Variants in FES observed in about 807,000 individuals in gnomAD.
The protein encoded by FES is FES proto-oncogene, tyrosine kinase, also known as tyrosine-protein kinase Fes/Fps.
Under a neutral mutation model 109.6 loss-of-function variants are expected in FES, and 83 were observed. The ratio of observed to expected loss-of-function variants is 0.76; its 90% CI spans 0.63 to 0.91. FES has a LOEUF of 0.91. Among genes scored for constraint, FES ranks in the 40% least tolerant of loss-of-function variants. The probability of loss-of-function intolerance (pLI) is 0.00; values close to 1 mark genes in which losing one functional copy is unlikely to be tolerated. For synonymous variants in FES, 458 were observed against 442.1 expected (o/e 1.04, Z -0.45); for missense variants, 943 against 1,070.9 (o/e 0.88, Z 1.67).
intron 4 of FES, 48 bp from the exon 5 acceptor site, chr15:90,887,139 C>T (rs2032722054): frequency 1.2e-6 from 2 of 1,611,656 alleles, no homozygotes; most frequent in Non-Finnish European, 1.7e-6. Flanking sequence ...GTGGGGGCTG[C>T]CTGGGCCTCC....
At chr15:90,895,383 C>T in intron 18 of FES, 33 bp from the exon 19 acceptor site, 3 of 1,482,528 alleles carry the variant, frequency 2.0e-6, no homozygotes, top group Non-Finnish European at 1.8e-6. Context: ...AAACTCCCTC[C>T]TCATGCCTGG....
chr15:90,890,360 C>T, intron 9 of FES, 41 bp from the exon 10 acceptor site: 2 of 1,606,532 alleles, frequency 1.2e-6, no homozygotes, highest in Non-Finnish European at 1.7e-6. Context: ...CCTCCCCCTC[C>T]CTAAGCCTGG....
chr15:90,888,740 A>G (rs1453430623), intron 5 of FES, among the ~76,000 whole-genome samples: 2 of 148,160 alleles, frequency 1.3e-5, no homozygotes, highest in African/African-American at 2.5e-5. Context: ...AGACAAGGAT[A>G]GCAGTTCATT....
In FES at chr15:90,890,865, C is replaced by A. The variant is rs1031438419; in HGVS notation, c.1321-117C>A. ...GGGGCCTGTGGATGGCTCTGCATGCCACTCCATGGTTGTAAGGGCTGAGGG... is the reference window on the plus strand; with the variant it reads ...GGGGCCTGTGGATGGCTCTGCATGCAACTCCATGGTTGTAAGGGCTGAGGG... On this transcript the variant is annotated intron_variant, in intron 10 of 18. Coordinates refer to ENST00000328850, the MANE Select transcript of FES (RefSeq NM_002005.4). 2.4e-5 allele frequency: 25 copies of A among 1,041,266 alleles called. No homozygotes were observed. The African/African-American group carries it at 3.8e-4, about 16-fold the overall frequency. 64.5% of individuals were successfully genotyped at this position (1,041,266 alleles called of 1,614,324 possible).
intron 10 of FES, among the ~76,000 whole-genome samples, chr15:90,890,707 C>T (rs1485055464): frequency 1.2e-5 from 1 of 82,880 alleles, no homozygotes; most frequent in African/African-American, 4.4e-5. Context: ...CCATGGCTCT[C>T]CCTGCTTCAG....
intron 8 of FES, 27 bp from the exon 9 acceptor site, chr15:90,890,065 C>T (rs2033056749): frequency 1.3e-6 from 2 of 1,536,174 alleles, no homozygotes; most frequent in Non-Finnish European, 1.8e-6. Context: ...TATTCTCATC[C>T]ACCCTCCCAC....
intron 13 of FES, 155 bp downstream of exon 13, chr15:90,892,266 G>A: frequency 1.3e-6 from 1 of 792,622 alleles, no homozygotes; most frequent in South Asian, 1.6e-5. Context: ...CCATCCTCCA[G>A]GAAACGGGAC....
rs748716030 is a variant in FES, at chr15:90,887,280, C to T, written c.578C>T (p.Ala193Val). The change falls in exon 5 of 19, where the codon GCG (alanine) becomes GTG (valine). Residue 193 changes from alanine to valine, a missense_variant. By Grantham distance (64) the Ala-to-Val change is moderately conservative. Transcript: ENST00000328850. ...CGCTATGTGCTGGGCGTGCGGGCTG[C>T]GCAGCTACACCACCAGCACCACCAC... ...HNRYVLGVRA[A>V]QLHHQHHHQL... 8.7e-6 allele frequency: 14 copies of T among 1,613,258 alleles called. No individual in the cohort carries two copies. Among genetic ancestry groups the T allele is most frequent in the African/African-American group, 1.3e-5 (1 of 75,062 alleles).
At chr15:90,891,454 T>C in intron 11 of FES, 100 bp from the exon 12 acceptor site, 1 of 1,525,656 alleles carries the variant, frequency 6.6e-7, no homozygotes, top group Non-Finnish European at 9.0e-7. Flanking sequence ...CCCCTGGTCC[T>C]GGGCAGGCCC....
At chr15:90,890,070 T>G in intron 8 of FES, 22 bp from the exon 9 acceptor site, 189 of 878,310 alleles carry the variant, frequency 2.2e-4, no homozygotes, top group Non-Finnish European at 3.0e-4. Flanking sequence ...TCATCCACCC[T>G]CCCACCCGCC....
intron 14 of FES, 48 bp from the exon 15 acceptor site, chr15:90,893,051 TG>T: frequency 1.3e-6 from 2 of 1,579,400 alleles, no homozygotes. Flanking sequence ...TGGGGGGCCC[TG>T]GGGAGGCGGG....
At chr15:90,893,512 C>T in intron 16 of FES, 98 bp downstream of exon 16, 1 of 1,493,434 alleles carries the variant, frequency 6.7e-7, no homozygotes, top group Non-Finnish European at 8.9e-7. Context: ...CAGGCATCAG[C>T]TCCAGAGGGG....
At position 90,889,927 on chromosome 15, in the gene FES, C is replaced by T. The variant is rs2033036183; in HGVS notation, c.1014C>T (p.Leu338=). ...QEMVTQLQQE[L]RNEEENTHPR... ...TGGTTACGCAGCTGCAACAGGAGCT[C>T]CGGAATGAAGAGGAGAACACCCACC... is the stretch of plus-strand genomic sequence containing the variant. The change falls in exon 8 of 19, where the codon CTC becomes CTT. Residue 338 remains leucine (L), a synonymous_variant. Coordinates refer to ENST00000328850, the MANE Select transcript of FES (RefSeq NM_002005.4). This position sits in a 1 kb window ranked among gnomAD's most constrained non-coding sequence, Gnocchi z 6.1. 1.9e-6 allele frequency: 3 copies of T among 1,613,512 alleles called. No individual in the cohort carries two copies. Among genetic ancestry groups the T allele is most frequent in the South Asian group, 1.1e-5 (1 of 91,076 alleles).
At chr15:90,890,795 C>T (rs2033140965) in intron 10 of FES, among the ~76,000 whole-genome samples, 187 bp from the exon 11 acceptor site, 1 of 152,118 alleles carries the variant, frequency 6.6e-6, no homozygotes, top group African/African-American at 2.4e-5. Flanking sequence ...CTTCCCTTCC[C>T]AGCTCTGCCC....
chr15:90,895,554 G>C lies in FES; in HGVS notation c.2465G>C (p.Arg822Pro). The C allele has an allele frequency of 6.3e-7, 1 of 1,576,022 alleles. No homozygotes were observed. Among genetic ancestry groups the C allele is most frequent in the Non-Finnish European group, 8.6e-7 (1 of 1,159,614 alleles). Residue 822 changes from arginine (R) to proline (P), a missense_variant, in exon 19 of 19, where the codon CGG becomes CCG. Arg to Pro is a moderately radical substitution (Grantham distance 103, BLOSUM62 -2). Coordinates refer to ENST00000328850, the MANE Select transcript of FES (RefSeq NM_002005.4). ...QELQSIRKRH[R>P] is the part of the protein sequence containing the mutation. ...CTGCAGAGCATCCGAAAGCGGCATCGGTGAGGCTGGGACCCCCTTCTCAAG... is the reference window on the plus strand; with the variant it reads ...CTGCAGAGCATCCGAAAGCGGCATCCGTGAGGCTGGGACCCCCTTCTCAAG...
intron 16 of FES, 51 bp from the exon 17 acceptor site, chr15:90,893,603 G>T (rs1157656232): frequency 1.3e-6 from 2 of 1,529,790 alleles, no homozygotes; most frequent in African/African-American, 2.8e-5. Flanking sequence ...GTTCAGCCAG[G>T]GCTGGGCAGG....
At chr15:90,891,492 C>G (rs748889740) in intron 11 of FES, 62 bp from the exon 12 acceptor site, 1 of 1,608,528 alleles carries the variant, frequency 6.2e-7, no homozygotes, top group Non-Finnish European at 8.5e-7. Context: ...TCCCTTTCCC[C>G]CTCCCAGGGC....
rs1482509771 is a variant in FES, at chr15:90,893,307, C to A, written c.1938C>A (p.Thr646=). 11 of 1,581,766 alleles carry A rather than the reference C, an allele frequency of 7.0e-6. No homozygotes were observed. Among genetic ancestry groups the A allele is most frequent in the Non-Finnish European group, 8.6e-6 (10 of 1,163,772 alleles). The part of the protein sequence containing the change: ...MELVQGGDFL[T]FLRTEGARLR... Reference sequence around the variant, plus strand: ...CACCTGCAGGGGGCGACTTCCTGACCTTCCTCCGCACGGAGGGGGCCCGCC... The same window carrying A: ...CACCTGCAGGGGGCGACTTCCTGACATTCCTCCGCACGGAGGGGGCCCGCC... The change falls in exon 16 of 19, where the codon ACC becomes ACA. Residue 646 remains threonine, a synonymous_variant. Transcript: ENST00000328850.
In FES at chr15:90,891,549, T is replaced by G. The variant is rs1264110903; in HGVS notation, c.1531-5T>G. ...GCTGCTGACCCCGGGTCCCCTGCCCTGCAGAACCTGTACCGACTGGAAGGG... is the reference window on the plus strand; with the variant it reads ...GCTGCTGACCCCGGGTCCCCTGCCCGGCAGAACCTGTACCGACTGGAAGGG... On this transcript the variant is annotated splice_region_variant and splice_polypyrimidine_tract_variant and intron_variant, in intron 11 of 18. Transcript: ENST00000328850. 1 of 1,613,588 alleles carries G rather than the reference T, an allele frequency of 6.2e-7. No homozygotes were observed. The highest frequency in any genetic ancestry group is 8.5e-7 in the Non-Finnish European group (1 of 1,179,954).
Sources: gnomAD v4.1 joint callset for allele counts (sites outside exome capture counted in the v4.1 genomes callset) on GRCh38, gnomAD v4.1.1 for gene constraint, Gnocchi (gnomAD v3.1) non-coding constraint, MANE v1.5 for transcripts, NCBI Gene and HGNC (gene_info 2026-07-23, HGNC 2026-07-21) for gene names.